Variants in SORBS2 observed in about 807,000 individuals in gnomAD.
SORBS2 encodes sorbin and SH3 domain-containing protein 2.
In SORBS2, 46 loss-of-function variants were observed where a neutral mutation model predicts 97.7. The ratio of observed to expected loss-of-function variants is 0.47; its 90% CI spans 0.37 to 0.60. The LOEUF (loss-of-function observed/expected upper bound fraction) is 0.60, where lower values mean the gene tolerates loss of function less well. Among genes scored for constraint, SORBS2 ranks in the 20% least tolerant of loss-of-function variants. The probability of loss-of-function intolerance (pLI) is 0.00; values close to 1 mark genes in which losing one functional copy is unlikely to be tolerated. For synonymous variants in SORBS2, 476 were observed against 473.4 expected (o/e 1.01, Z -0.07); for missense variants, 1,316 against 1,282.3 (o/e 1.03, Z -0.40).
chr4:185,766,465 A>G (rs1318891237), intron 2 of SORBS2, among the ~76,000 whole-genome samples: 2 of 152,198 alleles, frequency 1.3e-5, no homozygotes, highest in African/African-American at 4.8e-5. Context: ...AAAATACTGT[A>G]GATCTACAGA....
intron 2 of SORBS2, among the ~76,000 whole-genome samples, chr4:185,738,831 C>A (rs1475279926): frequency 6.6e-6 from 1 of 152,178 alleles, no homozygotes; most frequent in African/African-American, 2.4e-5. Context: ...TCAAGTCTCC[C>A]TTTTTTTCAC....
intron 1 of SORBS2, among the ~76,000 whole-genome samples, chr4:185,861,589 T>G: frequency 7.0e-6 from 1 of 143,664 alleles, no homozygotes; most frequent in Admixed American, 7.0e-5. Context: ...TGGAAAAAGA[T>G]CTGACTTCTA....
chr4:185,917,403 T>G (rs528563958), intron 1 of SORBS2, among the ~76,000 whole-genome samples: 57 of 152,184 alleles, frequency 3.7e-4, no homozygotes, highest in African/African-American at 1.3e-3. Context: ...ATCTTTTGTG[T>G]TTTTTATAGA....
intron 1 of SORBS2, chr4:185,932,997 C>T (rs1259450025): frequency 1.3e-5 from 2 of 152,198 alleles, no homozygotes; most frequent in East Asian, 1.9e-4. Context: ...AAATGTCTTC[C>T]TCTGCTAATA....
chr4:185,816,243 G>A (rs189546951), intron 1 of SORBS2, among the ~76,000 whole-genome samples: 1 of 148,146 alleles, frequency 6.8e-6, no homozygotes, highest in Admixed American at 6.8e-5. Flanking sequence ...TGAAGCAATA[G>A]GTTCTTCTCT....
upstream of SORBS2, among the ~76,000 whole-genome samples, chr4:185,661,841 T>C (rs2097527230): frequency 1.3e-5 from 2 of 152,126 alleles, no homozygotes; most frequent in South Asian, 4.1e-4. Context: ...TTGCCCTAAG[T>C]AGCCATTTTC....
chr4:185,884,266 C>T (rs1330574810), intron 1 of SORBS2, among the ~76,000 whole-genome samples: 2 of 152,092 alleles, frequency 1.3e-5, no homozygotes, highest in African/African-American at 4.8e-5. Context: ...TCCCATTTAT[C>T]ATTTCTATCT....
chr4:185,641,840 G>A (rs1285830997), intron 4 of SORBS2, among the ~76,000 whole-genome samples: 1 of 150,996 alleles, frequency 6.6e-6, no homozygotes. Flanking sequence ...ACGTGTTCAA[G>A]AAAAGCTACA....
At chr4:185,666,154 G>A in intron 4 of SORBS2, 1 of 1,289,820 alleles carries the variant, frequency 7.8e-7, no homozygotes, top group Non-Finnish European at 1.0e-6. Context: ...TTGTCTGTGT[G>A]TCTGTGAAGC....
chr4:185,722,468 G>C (rs1302987043), intron 2 of SORBS2, among the ~76,000 whole-genome samples: 4 of 152,288 alleles, frequency 2.6e-5, no homozygotes, highest in Non-Finnish European at 4.4e-5. Context: ...ACACGAAGCA[G>C]CTACATTGCC....
intron 2 of SORBS2, chr4:185,772,494 T>C (rs1323350073): frequency 6.6e-6 from 1 of 152,224 alleles, no homozygotes; most frequent in Admixed American, 6.5e-5. Context: ...AAAATGTTAC[T>C]GTTTGTTCCT....
intron 7 of SORBS2, among the ~76,000 whole-genome samples, chr4:185,621,183 A>G (rs188640064): frequency 2.2e-4 from 34 of 152,366 alleles, no homozygotes; most frequent in Admixed American, 2.2e-3. Flanking sequence ...AAGAATTTAA[A>G]GTGCTGATTC....
At chr4:185,862,597 C>G (rs2099224489) in intron 1 of SORBS2, among the ~76,000 whole-genome samples, 2 of 152,196 alleles carry the variant, frequency 1.3e-5, no homozygotes, top group Non-Finnish European at 2.9e-5. Context: ...GACTTCTTTA[C>G]AAAACTCTTA....
intron 1 of SORBS2, among the ~76,000 whole-genome samples, chr4:185,788,928 T>C (rs1466518680): frequency 1.3e-5 from 2 of 152,196 alleles, no homozygotes; most frequent in African/African-American, 4.8e-5. Flanking sequence ...GACTCCAAAT[T>C]GGACTTCTGT....
intron 1 of SORBS2, among the ~76,000 whole-genome samples, chr4:185,792,491 CGAAAA>C (rs748326718): frequency 2.5e-4 from 35 of 140,722 alleles, no homozygotes; most frequent in Admixed American, 3.0e-4. Flanking sequence ...GCGACTCCAT[CGAAAA>C]GAAAAGAAAA....
upstream of SORBS2, chr4:185,657,466 G>A (rs1184951150): frequency 1.3e-6 from 2 of 1,563,576 alleles, no homozygotes; most frequent in Non-Finnish European, 1.7e-6. Context: ...CCACGGGCCC[G>A]ATCCCTGGGT....
intron 1 of SORBS2, among the ~76,000 whole-genome samples, chr4:185,953,833 C>T (rs113010443): frequency 0.025 from 3,870 of 152,342 alleles, 67 homozygotes; most frequent in Non-Finnish European, 0.035. Flanking sequence ...TCATAAGCTG[C>T]CCAAGTAGGG....
At chr4:185,883,726 C>T (rs1329771482) in intron 1 of SORBS2, among the ~76,000 whole-genome samples, 1 of 152,158 alleles carries the variant, frequency 6.6e-6, no homozygotes, top group Non-Finnish European at 1.5e-5. Context: ...GTGGCATGTG[C>T]CTGTAGTCCC....
At chr4:185,885,520 G>A (rs562026853) in intron 1 of SORBS2, among the ~76,000 whole-genome samples, 4 of 152,280 alleles carry the variant, frequency 2.6e-5, no homozygotes, top group African/African-American at 9.6e-5. Flanking sequence ...CACCTGCATT[G>A]CCAATGACAG....
Sources: gnomAD v4.1 joint callset for allele counts (sites outside exome capture counted in the v4.1 genomes callset) on GRCh38, gnomAD v4.1.1 for gene constraint, MANE v1.5 for transcripts, NCBI Gene and HGNC (gene_info 2026-07-23, HGNC 2026-07-21) for gene names.